The following KCNIP1 variants were observed in gnomAD, a reference collection of about 807,000 sequenced individuals.
The protein encoded by KCNIP1 is potassium voltage-gated channel interacting protein 1.
KCNIP1 carries 18 observed loss-of-function variants against 33.0 expected under a neutral mutation model. The observed-to-expected ratio is 0.55, with a 90% CI of 0.38 to 0.81. The LOEUF (loss-of-function observed/expected upper bound fraction) is 0.81, where lower values mean the gene tolerates loss of function less well. Among genes scored for constraint, KCNIP1 ranks in the 30% least tolerant of loss-of-function variants. The pLI is 0.00. For missense variants in KCNIP1, 238 were observed against 271.6 expected (o/e 0.88, Z 0.87); for synonymous variants, 93 against 98.3 (o/e 0.95, Z 0.32).
intron 1 of KCNIP1, among the ~76,000 whole-genome samples, chr5:170,400,609 G>A (rs946962992): frequency 1.7e-4 from 26 of 152,164 alleles, no homozygotes; most frequent in African/African-American, 6.3e-4. Flanking sequence ...ACCAACATGT[G>A]CCAAGAACTG....
chr5:170,362,988 C>T (rs1763555448), intron 1 of KCNIP1, among the ~76,000 whole-genome samples: 1 of 152,214 alleles, frequency 6.6e-6, no homozygotes, highest in Admixed American at 6.5e-5. Context: ...TCTGCCCAGG[C>T]CTCACAAGTT....
At chr5:170,409,654 C>T (rs181983739) in intron 1 of KCNIP1, among the ~76,000 whole-genome samples, 1 of 152,224 alleles carries the variant, frequency 6.6e-6, no homozygotes, top group East Asian at 1.9e-4. Context: ...CAAGGGGGGC[C>T]CAGCCTGTGC....
At chr5:170,575,341 G>T (rs55896336) in intron 1 of KCNIP1, among the ~76,000 whole-genome samples, 4 of 152,242 alleles carry the variant, frequency 2.6e-5, no homozygotes, top group South Asian at 4.1e-4. Context: ...CCCTTTAATA[G>T]GGCATATGTT....
chr5:170,684,584 C>G (rs914446656), intron 1 of KCNIP1, among the ~76,000 whole-genome samples: 5 of 152,182 alleles, frequency 3.3e-5, no homozygotes, highest in African/African-American at 4.8e-5. Flanking sequence ...TATGGATACA[C>G]CCATTGATTT....
At chr5:170,584,628 A>G (rs1308682936) in intron 1 of KCNIP1, among the ~76,000 whole-genome samples, 1 of 152,168 alleles carries the variant, frequency 6.6e-6, no homozygotes, top group African/African-American at 2.4e-5. Flanking sequence ...AGGGGTGCCC[A>G]GCCCCCGGCA....
chr5:170,403,965 A>G (rs1231223863), intron 1 of KCNIP1, among the ~76,000 whole-genome samples: 2 of 152,162 alleles, frequency 1.3e-5, no homozygotes, highest in Admixed American at 1.3e-4. Context: ...CCCACTTCAG[A>G]GCCTGTGGGG....
chr5:170,637,357 T>G (rs1276667021), intron 1 of KCNIP1, among the ~76,000 whole-genome samples: 2 of 152,144 alleles, frequency 1.3e-5, no homozygotes, highest in Non-Finnish European at 2.9e-5. Flanking sequence ...GCTTCCCTGC[T>G]TCTGCCCTGG....
intron 1 of KCNIP1, among the ~76,000 whole-genome samples, chr5:170,410,043 G>A (rs1175508096): frequency 2.0e-5 from 3 of 152,222 alleles, no homozygotes; most frequent in Admixed American, 1.3e-4. Flanking sequence ...AGTTTTATAT[G>A]ATTTTGTTCT....
At chr5:170,602,004 C>G (rs1008614376) in intron 1 of KCNIP1, among the ~76,000 whole-genome samples, 2 of 152,304 alleles carry the variant, frequency 1.3e-5, no homozygotes, top group East Asian at 3.9e-4. Context: ...CCCAGGCTCT[C>G]TGCCCTCTGG....
At chr5:170,460,137 C>T (rs1452442122) in intron 1 of KCNIP1, among the ~76,000 whole-genome samples, 1 of 152,084 alleles carries the variant, frequency 6.6e-6, no homozygotes, top group African/African-American at 2.4e-5. Context: ...TTGCTTAAAT[C>T]AGGGAGAATT....
intron 1 of KCNIP1, chr5:170,389,344 A>C (rs987773235): frequency 6.6e-6 from 1 of 150,698 alleles, no homozygotes; most frequent in Non-Finnish European, 1.5e-5. Flanking sequence ...GAGGCCACAG[A>C]GCTTCAGCAG....
rs553890885 is a variant in KCNIP1, at chr5:170,604,553, G to C, written c.61+99920G>C. Among the ~76,000 whole-genome samples the C allele has an allele frequency of 1.8e-4, 27 of 152,172 alleles. 1 individual carries two copies. The highest frequency in any genetic ancestry group is 1.8e-3 in the Admixed American group (27 of 15,282). ...GAGAAGCCAATGGATCTCTGTGAATGGCGAGGCTTTGTATGCATAAATGTG... is the reference window on the plus strand; with the variant it reads ...GAGAAGCCAATGGATCTCTGTGAATCGCGAGGCTTTGTATGCATAAATGTG... On this transcript the variant is annotated intron_variant, in intron 1 of 7. Coordinates refer to ENST00000328939, the MANE Select transcript of KCNIP1 (RefSeq NM_014592.4).
intron 1 of KCNIP1, among the ~76,000 whole-genome samples, chr5:170,676,227 C>A (rs1449005798): frequency 1.6e-5 from 2 of 121,964 alleles, no homozygotes; most frequent in East Asian, 2.3e-4. Flanking sequence ...GAAAGGATTA[C>A]AGGTGGGAGG....
chr5:170,367,400 AGAAAGAAAGAAAGAAAGAAAG>A lies in KCNIP1; in HGVS notation c.88+13454_88+13474del, dbSNP rs1189031102. 4.0e-3 allele frequency among the ~76,000 whole-genome samples: 518 copies of A among 128,190 alleles called. 7 individuals carry two copies. Among genetic ancestry groups the A allele is most frequent in the African/African-American group, 0.012 (397 of 31,818 alleles). The allele number at this position is 128,190 out of a possible 152,430, so 84.1% of individuals were successfully genotyped here. ...AAGAAAGAAAGAAAGAAAGAAAGAA[AGAAAGAAAGAAAGAAAGAAAG>A]GAAAGAAAGAAAGAAAGGAAAGAAA... On this transcript the variant is annotated intron_variant, in intron 1 of 7. Transcript: ENST00000377360.
chr5:170,630,208 T>G lies in KCNIP1; in HGVS notation c.62-88550T>G, dbSNP rs150689053. On this transcript the variant is annotated intron_variant, in intron 1 of 7. Coordinates refer to ENST00000328939, the MANE Select transcript of KCNIP1 (RefSeq NM_014592.4). ...CACCATGTCAGACAAAAAGGTTAGA[T>G]ACAGGACCTGATATGTTATAAAACT... 3.0e-3 allele frequency among the ~76,000 whole-genome samples: 452 copies of G among 152,336 alleles called. 3 individuals are homozygous for G. The highest frequency in any genetic ancestry group is 0.01 in the African/African-American group (429 of 41,568).
chr5:170,391,288 G>T (rs1754583603), intron 1 of KCNIP1, among the ~76,000 whole-genome samples: 2 of 152,158 alleles, frequency 1.3e-5, no homozygotes, highest in African/African-American at 4.8e-5. Flanking sequence ...AGGGCTCCTT[G>T]CTCGTGATAC....
chr5:170,651,172 G>T (rs1240489922), intron 1 of KCNIP1, among the ~76,000 whole-genome samples: 1 of 152,210 alleles, frequency 6.6e-6, no homozygotes, highest in Non-Finnish European at 1.5e-5. Context: ...TCCATTGGAA[G>T]AACCTTCTAA....
chr5:170,607,797 G>A (rs576612709), intron 1 of KCNIP1, among the ~76,000 whole-genome samples: 62 of 152,268 alleles, frequency 4.1e-4, no homozygotes, highest in African/African-American at 1.4e-3. Flanking sequence ...CTCAGCCGGC[G>A]GGGAGGGATT....
At chr5:170,569,217 A>G (rs138506149) in intron 1 of KCNIP1, among the ~76,000 whole-genome samples, 1 of 152,358 alleles carries the variant, frequency 6.6e-6, no homozygotes, top group African/African-American at 2.4e-5. Flanking sequence ...AATCTAGAGA[A>G]CAGAGCAACT....
Sources: gnomAD v4.1 joint callset for allele counts (sites outside exome capture counted in the v4.1 genomes callset) on GRCh38, gnomAD v4.1.1 for gene constraint, MANE v1.5 for transcripts, NCBI Gene and HGNC (gene_info 2026-07-23, HGNC 2026-07-21) for gene names.